The following HS6ST2 variants were observed in gnomAD, a reference collection of about 807,000 sequenced individuals.
HS6ST2 encodes the protein heparan-sulfate 6-O-sulfotransferase 2.
Under a neutral mutation model 33.0 loss-of-function variants are expected in HS6ST2, and 17 were observed. The observed-to-expected ratio is 0.52, with a 90% confidence interval of 0.35 to 0.77. HS6ST2 has a LOEUF of 0.77. HS6ST2 is among the 30% of genes least tolerant of loss of function. HS6ST2 has a pLI of 0.01. For synonymous variants in HS6ST2, 248 were observed against 237.1 expected, an observed-to-expected ratio of 1.05 and a Z score of -0.42; for missense variants, 519 against 551.7, an observed-to-expected ratio of 0.94 and a Z score of 0.59.
Position 132,812,436 on chromosome X carries a change from AATAATAAT to A in HS6ST2, c.948-103950_948-103943del, listed in dbSNP as rs1214474952. ...TAATAATAATAATAATAATAATAAT[AATAATAAT>A]AAAATAATAATAATAATGGCCATCC... On this transcript the variant is annotated intron_variant, in intron 2 of 4. Transcript: ENST00000370833. 6.8e-5 allele frequency among the ~76,000 whole-genome samples: 7 copies of A among 102,678 alleles called. No individual in the cohort carries two copies. In the East Asian group the frequency reaches 1.3e-3, roughly 19 times the overall value. The allele number at this position is 102,678 out of a possible 115,157, so 89.2% of individuals were successfully genotyped here.
At chrX:132,719,510 C>T (rs113417453) in intron 2 of HS6ST2, among the ~76,000 whole-genome samples, 5,448 of 111,530 alleles carry the variant, frequency 0.049, 174 homozygotes, top group African/African-American at 0.12. Flanking sequence ...TCCTTTTACA[C>T]GTGAGGAAAT....
rs757101973 is a variant in HS6ST2 at position 132,629,216 on chromosome X, T to C, written c.1068-123A>G. The C allele has an allele frequency of 1.1e-5, 8 of 736,832 alleles. No homozygotes were observed. In the African/African-American group the frequency reaches 1.5e-4, roughly 14 times the overall value. 60.7% of individuals were successfully genotyped at this position (736,832 alleles called of 1,213,427 possible). On this transcript the variant is annotated intron_variant, in intron 4 of 4. Transcript: ENST00000370833. The stretch of plus-strand genomic sequence containing the variant: ...GAAGGCAAAGCAAAAATGACAGGGA[T>C]CTGATGGCATTTGTCCTGTAAACTG...
intron 2 of HS6ST2, among the ~76,000 whole-genome samples, chrX:132,859,667 A>AGAGGGAGG (rs55658570): frequency 1.3e-5 from 1 of 78,684 alleles, no homozygotes; most frequent in Non-Finnish European, 2.3e-5. Context: ...GAAGGGAGGA[A>AGAGGGAGG]GAGGGAGGGA....
chrX:132,815,272 T>C (rs1273769261), intron 2 of HS6ST2, among the ~76,000 whole-genome samples: 1 of 112,548 alleles, frequency 8.9e-6, no homozygotes, highest in Non-Finnish European at 1.9e-5. Context: ...GAAATAATAA[T>C]AACAATCATT....
At chrX:132,629,812 T>C (rs1424326869) in intron 4 of HS6ST2, among the ~76,000 whole-genome samples, 1 of 111,955 alleles carries the variant, frequency 8.9e-6, no homozygotes, top group Non-Finnish European at 1.9e-5. Flanking sequence ...GCCAATGGCA[T>C]GTATGCAAGC....
intron 2 of HS6ST2, among the ~76,000 whole-genome samples, chrX:132,863,975 C>T (rs1262182144): frequency 1.8e-5 from 2 of 111,334 alleles, no homozygotes; most frequent in Non-Finnish European, 3.8e-5. Flanking sequence ...GACTGGACCT[C>T]CAGCAAACTC....
chrX:132,691,094 A>G (rs1273194859), intron 3 of HS6ST2, among the ~76,000 whole-genome samples: 1 of 112,448 alleles, frequency 8.9e-6, no homozygotes, highest in Non-Finnish European at 1.9e-5. Context: ...CCCAAGAGAC[A>G]GATGAAGTAC....
chrX:132,908,779 T>C (rs939562122), intron 2 of HS6ST2, among the ~76,000 whole-genome samples: 2 of 110,616 alleles, frequency 1.8e-5, no homozygotes, highest in South Asian at 3.9e-4. Flanking sequence ...TGGGGAATTA[T>C]AATATTCTAA....
intron 2 of HS6ST2, among the ~76,000 whole-genome samples, chrX:132,726,925 C>T (rs1036628646): frequency 3.6e-5 from 4 of 110,675 alleles, no homozygotes; most frequent in African/African-American, 9.9e-5. Context: ...TAATCAGTCT[C>T]ATCCCCTTAT....
At chrX:132,886,058 C>T (rs1031829279) in intron 2 of HS6ST2, among the ~76,000 whole-genome samples, 2 of 111,430 alleles carry the variant, frequency 1.8e-5, no homozygotes, top group Non-Finnish European at 3.8e-5. Context: ...GTGAGATGTG[C>T]TCAGGAAAAA....
At chrX:132,710,197 C>T (rs1402581597) in intron 2 of HS6ST2, among the ~76,000 whole-genome samples, 2 of 110,701 alleles carry the variant, frequency 1.8e-5, no homozygotes, top group Admixed American at 1.9e-4. Flanking sequence ...GAAGACGTTA[C>T]AGGTGCATCA....
chrX:132,805,012 C>A (rs1247090684), intron 2 of HS6ST2, among the ~76,000 whole-genome samples: 1 of 110,842 alleles, frequency 9.0e-6, no homozygotes, highest in African/African-American at 3.3e-5. Context: ...ATATAGCTAC[C>A]AACTGCCACT....
intron 2 of HS6ST2, among the ~76,000 whole-genome samples, chrX:132,826,609 T>A (rs2065523130): frequency 9.2e-6 from 1 of 109,243 alleles, no homozygotes; most frequent in East Asian, 2.9e-4. Flanking sequence ...GGCTCACATT[T>A]TATATATATA....
chrX:132,667,521 T>C lies in HS6ST2; in HGVS notation c.1067+1592A>G, dbSNP rs1306276571. The C allele has an allele frequency of 3.6e-5, 4 of 112,186 alleles. 1 individual carries two copies. The East Asian group carries it at 1.1e-3, about 31-fold the overall frequency. The allele number at this position is 112,186 out of a possible 1,213,427, so 9.2% of individuals were successfully genotyped here. A position where few individuals can be genotyped will look rare whatever the true frequency, so the allele number is the denominator to read the frequency against. On this transcript the variant is annotated intron_variant, in intron 4 of 4. Transcript: ENST00000370833. ...TATGGTATTAGGTATGCATTCTCTA[T>C]GTCATCTTAACTCAGATTCTACCAA...
intron 2 of HS6ST2, among the ~76,000 whole-genome samples, chrX:132,845,065 T>C (rs756667642): frequency 9.2e-6 from 1 of 108,193 alleles, no homozygotes; most frequent in Non-Finnish European, 1.9e-5. Flanking sequence ...AATATAAATT[T>C]TAAATATATA....
chrX:132,802,048 T>C, intron 2 of HS6ST2, among the ~76,000 whole-genome samples: 1 of 112,116 alleles, frequency 8.9e-6, no homozygotes, highest in Non-Finnish European at 1.9e-5. Flanking sequence ...CTGTTCTGAA[T>C]GAATGCAATT....
intron 2 of HS6ST2, among the ~76,000 whole-genome samples, chrX:132,895,411 C>G (rs2066364076): frequency 9.0e-6 from 1 of 111,100 alleles, no homozygotes; most frequent in Non-Finnish European, 1.9e-5. Context: ...TCTAAAATGT[C>G]ATGTATACTT....
chrX:132,658,077 C>CT (rs1223927286), intron 4 of HS6ST2, among the ~76,000 whole-genome samples: 1 of 110,597 alleles, frequency 9.0e-6, no homozygotes, highest in African/African-American at 3.3e-5. Flanking sequence ...TAATTATGGT[C>CT]TTTGATGCCA....
intron 2 of HS6ST2, among the ~76,000 whole-genome samples, chrX:132,726,436 T>A (rs961413411): frequency 1.1e-4 from 12 of 112,728 alleles, no homozygotes; most frequent in Admixed American, 3.7e-4. Flanking sequence ...CAAAACACAG[T>A]CACACTTGTT....
Sources: allele counts gnomAD v4.1 joint callset (sites outside exome capture counted in the v4.1 genomes callset), GRCh38; gene constraint gnomAD v4.1.1; transcripts MANE v1.5; gene names NCBI Gene and HGNC (gene_info 2026-07-23, HGNC 2026-07-21).